The following SGMS1 variants were observed in gnomAD, a reference collection of about 807,000 sequenced individuals.
SGMS1 encodes phosphatidylcholine:ceramide cholinephosphotransferase 1.
Under a neutral mutation model 46.2 loss-of-function variants are expected in SGMS1, and 13 were observed. That is an observed-to-expected ratio of 0.28 (90% CI 0.18 to 0.45). The LOEUF (loss-of-function observed/expected upper bound fraction) is 0.45. Among genes scored for constraint, SGMS1 ranks in the 20% least tolerant of loss-of-function variants. SGMS1 has a pLI of 1.00. For synonymous variants in SGMS1, 203 were observed against 187.8 expected, an observed-to-expected ratio of 1.08 and a Z score of -0.66; for missense variants, 324 against 519.9, an observed-to-expected ratio of 0.62 and a Z score of 3.66.
chr10:50,309,498 A>C (rs1380359949), intron 9 of SGMS1, among the ~76,000 whole-genome samples: 1 of 152,144 alleles, frequency 6.6e-6, no homozygotes, highest in East Asian at 1.9e-4. Context: ...AAGATGGATA[A>C]GCCTTGACCC....
intron 4 of SGMS1, among the ~76,000 whole-genome samples, chr10:50,463,633 TAAG>T (rs762857446): frequency 6.6e-6 from 1 of 152,196 alleles, no homozygotes; most frequent in African/African-American, 2.4e-5. Context: ...CTGAAAACAT[TAAG>T]AATAGAACTA....
At chr10:50,475,378 C>A (rs1290337649) in intron 3 of SGMS1, among the ~76,000 whole-genome samples, 1 of 152,126 alleles carries the variant, frequency 6.6e-6, no homozygotes, top group African/African-American at 2.4e-5. Flanking sequence ...ACTGAATGAA[C>A]CTTTGATATA....
intron 1 of SGMS1, among the ~76,000 whole-genome samples, chr10:50,595,033 C>A (rs1312093096): frequency 6.6e-6 from 1 of 152,120 alleles, no homozygotes; most frequent in Non-Finnish European, 1.5e-5. Context: ...ACTCCAGAGC[C>A]CATATTCTTA....
intron 3 of SGMS1, among the ~76,000 whole-genome samples, chr10:50,469,772 T>C (rs1050900577): frequency 1.3e-5 from 2 of 152,178 alleles, no homozygotes; most frequent in Non-Finnish European, 2.9e-5. Flanking sequence ...TACTGGTGAC[T>C]TCCTCTCAAG....
rs180908059 is a variant in SGMS1 at position 50,369,153 on chromosome 10, A to C, written c.-231-24808T>G. Among the ~76,000 whole-genome samples the C allele has an allele frequency of 2.0e-4, 30 of 152,352 alleles. 1 individual carries two copies. The East Asian group carries it at 5.0e-3, about 25-fold the overall frequency. On this transcript the variant is annotated intron_variant, in intron 6 of 10. Coordinates refer to ENST00000361781, the MANE Select transcript of SGMS1 (RefSeq NM_147156.4). The stretch of plus-strand genomic sequence containing the variant: ...TTTAAAAAATCCATCATACACTGTA[A>C]ATATGAAGAGCAGATATTTTCTTAA...
At chr10:50,394,347 G>A (rs1221815824) in intron 6 of SGMS1, among the ~76,000 whole-genome samples, 1 of 152,168 alleles carries the variant, frequency 6.6e-6, no homozygotes, top group Non-Finnish European at 1.5e-5. Context: ...ACTTCAGGAC[G>A]GACAAGAGTC....
chr10:50,309,896 C>T (rs932638069), intron 9 of SGMS1, among the ~76,000 whole-genome samples: 1 of 152,150 alleles, frequency 6.6e-6, no homozygotes, highest in African/African-American at 2.4e-5. Flanking sequence ...TGTCACTTCT[C>T]TCCATCCCTG....
At chr10:50,407,098 C>T (rs1849025754) in intron 6 of SGMS1, among the ~76,000 whole-genome samples, 2 of 152,110 alleles carry the variant, frequency 1.3e-5, no homozygotes, top group Non-Finnish European at 2.9e-5. Context: ...ATGATATACT[C>T]CCTTTACTAG....
At chr10:50,430,604 G>A (rs1389807383) in intron 6 of SGMS1, among the ~76,000 whole-genome samples, 3 of 152,016 alleles carry the variant, frequency 2.0e-5, no homozygotes, top group African/African-American at 4.8e-5. Flanking sequence ...TTCATAAAAG[G>A]TACTTTAATA....
At chr10:50,501,370 T>A (rs1417082750) in intron 3 of SGMS1, among the ~76,000 whole-genome samples, 1 of 152,202 alleles carries the variant, frequency 6.6e-6, no homozygotes, top group Admixed American at 6.5e-5. Flanking sequence ...AAGGCAACTA[T>A]TTCCATTATG....
At chr10:50,505,160 G>A (rs2133763409) in intron 3 of SGMS1, among the ~76,000 whole-genome samples, 1 of 152,298 alleles carries the variant, frequency 6.6e-6, no homozygotes, top group Admixed American at 6.5e-5. Flanking sequence ...AGGCTGAAGT[G>A]TGCTATGATT....
chr10:50,313,500 C>G (rs1032925984), intron 8 of SGMS1, among the ~76,000 whole-genome samples: 1 of 152,128 alleles, frequency 6.6e-6, no homozygotes, highest in Non-Finnish European at 1.5e-5. Flanking sequence ...TTTTTCACAT[C>G]GAGTTGTGTA....
chr10:50,494,121 A>T (rs190660453), intron 3 of SGMS1, among the ~76,000 whole-genome samples: 323 of 152,328 alleles, frequency 2.1e-3, no homozygotes, highest in African/African-American at 7.1e-3. Context: ...TTAAAAAGTC[A>T]AAAAATAACA....
intron 6 of SGMS1, among the ~76,000 whole-genome samples, chr10:50,351,170 A>C (rs995818935): frequency 2.6e-5 from 4 of 152,182 alleles, no homozygotes; most frequent in African/African-American, 9.7e-5. Context: ...TGACTGCCCC[A>C]CTGGAGTTTG....
intron 2 of SGMS1, among the ~76,000 whole-genome samples, chr10:50,578,971 T>C (rs1030545613): frequency 6.6e-6 from 1 of 151,574 alleles, no homozygotes; most frequent in Non-Finnish European, 1.5e-5. Context: ...CATTCAAAGA[T>C]CATAAAGAAA....
chr10:50,366,869 G>A (rs1444061877), intron 6 of SGMS1, among the ~76,000 whole-genome samples: 1 of 152,112 alleles, frequency 6.6e-6, no homozygotes, highest in Non-Finnish European at 1.5e-5. Context: ...GTTGATGGGT[G>A]CAGCAAACCA....
intron 6 of SGMS1, among the ~76,000 whole-genome samples, chr10:50,411,103 C>G (rs147132535): frequency 1.2e-4 from 19 of 152,186 alleles, no homozygotes; most frequent in African/African-American, 4.1e-4. Flanking sequence ...GCATATACAC[C>G]ATACTCGTGG....
chr10:50,322,575 G>A (rs1253346104), intron 8 of SGMS1, among the ~76,000 whole-genome samples: 1 of 152,108 alleles, frequency 6.6e-6, no homozygotes, highest in Non-Finnish European at 1.5e-5. Context: ...GCTCACGCCT[G>A]TAATCCCAGC....
At chr10:50,613,099 T>C (rs1458031715) in intron 1 of SGMS1, among the ~76,000 whole-genome samples, 1 of 152,188 alleles carries the variant, frequency 6.6e-6, no homozygotes, top group African/African-American at 2.4e-5. Context: ...GTCAGGATTA[T>C]GTCACTAAAA....
Sources: gnomAD v4.1 joint callset for allele counts (sites outside exome capture counted in the v4.1 genomes callset) on GRCh38, gnomAD v4.1.1 for gene constraint, MANE v1.5 for transcripts, NCBI Gene and HGNC (gene_info 2026-07-23, HGNC 2026-07-21) for gene names.